Variants in IL1RAPL1 observed in about 807,000 individuals in gnomAD.
IL1RAPL1 encodes the protein interleukin 1 receptor accessory protein like 1.
IL1RAPL1 carries 3 observed loss-of-function variants against 48.4 expected under a neutral mutation model. The observed-to-expected ratio is 0.06, with a 90% CI of 0.03 to 0.16. The LOEUF is 0.16. Among genes scored for constraint, IL1RAPL1 ranks in the 10% least tolerant of loss-of-function variants. The probability of loss-of-function intolerance (pLI) is 1.00; values close to 1 mark genes in which losing one functional copy is unlikely to be tolerated. For synonymous variants in IL1RAPL1, 185 were observed against 187.7 expected, an observed-to-expected ratio of 0.99 and a Z score of 0.12; for missense variants, 349 against 530.6, an observed-to-expected ratio of 0.66 and a Z score of 3.36.
chrX:29,127,965 A>AC (rs1423812048), intron 2 of IL1RAPL1, among the ~76,000 whole-genome samples: 5 of 108,692 alleles, frequency 4.6e-5, no homozygotes, highest in Non-Finnish European at 9.6e-5. Flanking sequence ...CTCGATCTAA[A>AC]AAAAAAAAAA....
In IL1RAPL1 at chrX:28,990,189, C is replaced by T. The variant is rs951467771; in HGVS notation, c.82+200764C>T. On this transcript the variant is annotated intron_variant, in intron 2 of 10. Transcript: ENST00000378993. Reference sequence around the variant, plus strand: ...CCCCTACTCTCCAATTGAACAGTTACTTCATTCCTAAGTGCATGTGACCAT... The same window carrying T: ...CCCCTACTCTCCAATTGAACAGTTATTTCATTCCTAAGTGCATGTGACCAT... Among the ~76,000 whole-genome samples the T allele has an allele frequency of 4.5e-5, 5 of 111,875 alleles. No homozygotes were observed. The East Asian group carries it at 1.4e-3, about 31-fold the overall frequency.
intron 5 of IL1RAPL1, among the ~76,000 whole-genome samples, chrX:29,569,951 C>T (rs1306236174): frequency 8.9e-6 from 1 of 111,789 alleles, no homozygotes; most frequent in Non-Finnish European, 1.9e-5. Context: ...TCATGTGTTA[C>T]TATGAATATG....
Position 28,723,270 on chromosome X carries a change from A to T in IL1RAPL1, c.-24-66050A>T, listed in dbSNP as rs145070356. ...CTATTAATTATTGCCTCAATTTCAG[A>T]TACTGTTATTGGTCTATTCAGGGAT... On this transcript the variant is annotated intron_variant, in intron 1 of 10. Coordinates refer to ENST00000378993, the MANE Select transcript of IL1RAPL1 (RefSeq NM_014271.4). Among the ~76,000 whole-genome samples, 51 of 110,555 alleles carry T rather than the reference A, an allele frequency of 4.6e-4. 2 individuals carry two copies. In the East Asian group the frequency reaches 0.014, roughly 30 times the overall value.
At chrX:29,712,427 T>C (rs112353198) in intron 6 of IL1RAPL1, among the ~76,000 whole-genome samples, 15 of 112,056 alleles carry the variant, frequency 1.3e-4, no homozygotes, top group African/African-American at 4.5e-4. Context: ...ACAAGGACCT[T>C]CATACACTGA....
intron 2 of IL1RAPL1, among the ~76,000 whole-genome samples, chrX:29,228,962 T>A (rs1931143122): frequency 9.0e-6 from 1 of 111,355 alleles, no homozygotes; most frequent in South Asian, 3.8e-4. Flanking sequence ...CCAGTAGAGG[T>A]GGGCTGCAAT....
rs571049109 is a variant in IL1RAPL1 at position 28,649,191 on chromosome X, ACT to A, written c.-25+61147_-25+61148del. On this transcript the variant is annotated intron_variant, in intron 1 of 10. Transcript: ENST00000378993. ...GTTTGTCTCCCTAATTAGGATATAAACTCTGCGAGAGAGAAAAACATGCCTTT... is the reference window on the plus strand; with the variant it reads ...GTTTGTCTCCCTAATTAGGATATAAACTGCGAGAGAGAAAAACATGCCTTT... Among the ~76,000 whole-genome samples, 860 of 111,754 alleles carry A rather than the reference ACT, an allele frequency of 7.7e-3. 3 individuals are homozygous for A. The highest frequency in any genetic ancestry group is 0.012 in the Non-Finnish European group (659 of 53,106).
chrX:29,019,176 C>T (rs1467592173), intron 2 of IL1RAPL1, among the ~76,000 whole-genome samples: 1 of 110,900 alleles, frequency 9.0e-6, no homozygotes, highest in Non-Finnish European at 1.9e-5. Context: ...TCCAACGGAT[C>T]CCTCCCATGA....
rs370841968 is a variant in IL1RAPL1 at position 28,672,225 on chromosome X, T to TA, written c.-25+84188dup. On this transcript the variant is annotated intron_variant, in intron 1 of 10. Coordinates refer to ENST00000378993, the MANE Select transcript of IL1RAPL1 (RefSeq NM_014271.4). ...ATTTAGTGAAGGAAGGAAAGAATGT[T>TA]AAAAAAAAAATAAAATTAGGGTTTT... Among the ~76,000 whole-genome samples the TA allele has an allele frequency of 3.6e-3, 396 of 108,944 alleles. 1 individual carries two copies. The highest frequency in any genetic ancestry group is 5.1e-3 in the Non-Finnish European group (268 of 52,224). The allele number at this position is 108,944 out of a possible 115,157, so 94.6% of individuals were successfully genotyped here. A position where few individuals can be genotyped will look rare whatever the true frequency, so the allele number is the denominator to read the frequency against.
intron 5 of IL1RAPL1, among the ~76,000 whole-genome samples, chrX:29,569,640 A>G (rs1922528530): frequency 9.3e-6 from 1 of 106,956 alleles, no homozygotes; most frequent in Non-Finnish European, 1.9e-5. Flanking sequence ...TGCAAAAAAA[A>G]AAAACAACTG....
intron 2 of IL1RAPL1, among the ~76,000 whole-genome samples, chrX:28,985,901 C>T (rs1925462980): frequency 9.0e-6 from 1 of 110,874 alleles, no homozygotes; most frequent in South Asian, 3.8e-4. Context: ...CCTTGTGATC[C>T]GCCTGCCTCG....
rs377515099 is a variant in IL1RAPL1, at chrX:28,648,481, ACT to A, written c.-25+60439_-25+60440del. On this transcript the variant is annotated intron_variant, in intron 1 of 10. Transcript: ENST00000378993. ...ATGAATTTAGCTTTGTAAAATGTTG[ACT>A]CTCTAAATATTAGCAATACAACTTG... is the stretch of plus-strand genomic sequence containing the variant. 2.7e-3 allele frequency among the ~76,000 whole-genome samples: 300 copies of A among 111,708 alleles called. 1 individual carries two copies. The highest frequency in any genetic ancestry group is 9.4e-3 in the African/African-American group (289 of 30,698).
In IL1RAPL1 at chrX:29,225,533, T is replaced by C. The variant is rs1244669459; in HGVS notation, c.83-57405T>C. Among the ~76,000 whole-genome samples, 4 of 112,116 alleles carry C rather than the reference T, an allele frequency of 3.6e-5. No homozygotes were observed. The Admixed American group carries it at 3.8e-4, about 11-fold the overall frequency. ...GAACAGATCGGTTAAACAGGTAAAGTAGACTTTATTGAGGACTGTTGTAAT... is the reference window on the plus strand; with the variant it reads ...GAACAGATCGGTTAAACAGGTAAAGCAGACTTTATTGAGGACTGTTGTAAT... On this transcript the variant is annotated intron_variant, in intron 2 of 10. Transcript: ENST00000378993.
At chrX:29,204,810 G>T (rs193027148) in intron 2 of IL1RAPL1, among the ~76,000 whole-genome samples, 1 of 111,660 alleles carries the variant, frequency 9.0e-6, no homozygotes, top group East Asian at 2.8e-4. Context: ...TCACTTTGTT[G>T]ATTGTTTCCT....
At chrX:28,962,926 G>T (rs1924823977) in intron 2 of IL1RAPL1, among the ~76,000 whole-genome samples, 1 of 107,362 alleles carries the variant, frequency 9.3e-6, no homozygotes, top group Admixed American at 1.0e-4. Context: ...ATGACATGTT[G>T]CTTGTTGGCT....
intron 6 of IL1RAPL1, among the ~76,000 whole-genome samples, chrX:29,740,584 C>CT (rs1928172911): frequency 9.0e-6 from 1 of 111,328 alleles, no homozygotes; most frequent in South Asian, 3.8e-4. Context: ...TTATTCTTAG[C>CT]TTCTACTAGC....
intron 2 of IL1RAPL1, among the ~76,000 whole-genome samples, chrX:29,241,066 AGTGTCCGTGAAACTTTAT>A (rs1351771403): frequency 8.9e-6 from 1 of 112,479 alleles, no homozygotes; most frequent in Non-Finnish European, 1.9e-5. Context: ...CAGAATTTAT[AGTGTCCGTGAAACTTTAT>A]GTGCAGTACA....
At chrX:28,887,726 C>T (rs1036687028) in intron 2 of IL1RAPL1, among the ~76,000 whole-genome samples, 1 of 111,356 alleles carries the variant, frequency 9.0e-6, no homozygotes, top group Non-Finnish European at 1.9e-5. Context: ...TTGTTTTGCT[C>T]ATTGTACTTG....
chrX:29,884,996 T>C (rs1188191539), intron 6 of IL1RAPL1, among the ~76,000 whole-genome samples: 1 of 110,476 alleles, frequency 9.1e-6, no homozygotes, highest in Non-Finnish European at 1.9e-5. Context: ...TCAGCAACAG[T>C]CCTTACAATG....
intron 7 of IL1RAPL1, among the ~76,000 whole-genome samples, chrX:29,918,740 A>G (rs905276019): frequency 1.8e-5 from 2 of 111,857 alleles, no homozygotes; most frequent in African/African-American, 6.5e-5. Context: ...AAAATATTTG[A>G]AGGCATAATG....
Sources: gnomAD v4.1 joint callset for allele counts (sites outside exome capture counted in the v4.1 genomes callset) on GRCh38, gnomAD v4.1.1 for gene constraint, MANE v1.5 for transcripts, NCBI Gene and HGNC (gene_info 2026-07-23, HGNC 2026-07-21) for gene names.